Variants in CLTCL1 observed in about 807,000 individuals in gnomAD.
CLTCL1 encodes the protein clathrin heavy chain 2.
CLTCL1 carries 159 observed loss-of-function variants against 190.0 expected under a neutral mutation model. That is an observed-to-expected ratio of 0.84 (90% CI 0.74 to 0.95). CLTCL1 has a LOEUF of 0.95. Ranked by LOEUF, CLTCL1 falls within the 40% of genes least tolerant of loss-of-function variation. The pLI, the probability that CLTCL1 is intolerant of heterozygous loss-of-function variation, is 0.00. For missense variants in CLTCL1, 1,878 were observed against 2,033.4 expected (o/e 0.92, Z 1.47); for synonymous variants, 752 against 769.6 (o/e 0.98, Z 0.38).
intron 31 of CLTCL1, 98 bp from the exon 32 acceptor site, chr22:19,180,336 C>T: frequency 1.5e-6 from 2 of 1,305,272 alleles, no homozygotes; most frequent in South Asian, 1.2e-5. Context: ...ACCCTCAGGC[C>T]TGTGTTTGCC....
At chr22:19,255,663 A>C (rs2086721613) in intron 2 of CLTCL1, among the ~76,000 whole-genome samples, 1 of 151,598 alleles carries the variant, frequency 6.6e-6, no homozygotes, top group South Asian at 2.1e-4. Context: ...TAATCCCAGC[A>C]CTTTGGGAAG....
At chr22:19,218,513 G>C (rs1390199839) in intron 18 of CLTCL1, among the ~76,000 whole-genome samples, 1 of 152,212 alleles carries the variant, frequency 6.6e-6, no homozygotes, top group African/African-American at 2.4e-5. Flanking sequence ...ATTCAGTAGA[G>C]ATAAAGGTCA....
intron 1 of CLTCL1, among the ~76,000 whole-genome samples, chr22:19,281,248 T>C (rs1334508027): frequency 2.0e-5 from 3 of 149,194 alleles, no homozygotes; most frequent in African/African-American, 5.0e-5. Flanking sequence ...TGAGCCGAGA[T>C]TGCACCACTG....
intron 3 of CLTCL1, among the ~76,000 whole-genome samples, chr22:19,251,894 A>G (rs997151350): frequency 1.3e-5 from 2 of 152,236 alleles, no homozygotes; most frequent in Non-Finnish European, 2.9e-5. Flanking sequence ...GTTTTTCAAC[A>G]TGAAGTAAGA....
intron 2 of CLTCL1, among the ~76,000 whole-genome samples, chr22:19,260,646 G>A (rs1197848456): frequency 6.6e-6 from 1 of 151,942 alleles, no homozygotes. Flanking sequence ...GGGCATGGTG[G>A]TGCATGCCTG....
intron 8 of CLTCL1, 43 bp from the exon 9 acceptor site, chr22:19,233,361 G>T (rs781940859): frequency 6.2e-7 from 1 of 1,610,510 alleles, no homozygotes; most frequent in African/African-American, 1.3e-5. Context: ...GAGGCAGGTA[G>T]GGAGCCTGGA....
chr22:19,241,349 G>A (rs1482281438), intron 4 of CLTCL1, among the ~76,000 whole-genome samples: 10 of 152,240 alleles, frequency 6.6e-5, no homozygotes, highest in African/African-American at 9.6e-5. Context: ...TAAAGGAGAG[G>A]TGTGCCTCAC....
intron 3 of CLTCL1, among the ~76,000 whole-genome samples, chr22:19,253,321 A>G (rs1285605642): frequency 6.6e-6 from 1 of 152,098 alleles, no homozygotes; most frequent in Non-Finnish European, 1.5e-5. Flanking sequence ...GCAATTACCA[A>G]GGACAGGCCA....
intron 29 of CLTCL1, chr22:19,184,122 C>G (rs1489350798): frequency 4.0e-6 from 1 of 252,484 alleles, no homozygotes; most frequent in Non-Finnish European, 7.9e-6. Context: ...CAAAATAACA[C>G]CTGCACCTGA....
chr22:19,208,059 C>T (rs782073585), intron 22 of CLTCL1, 95 bp downstream of exon 22: 2 of 1,490,380 alleles, frequency 1.3e-6, no homozygotes, highest in South Asian at 2.3e-5. Context: ...GAAACCAGTC[C>T]CTGGTGCCAA....
Position 19,221,577 on chromosome 22 carries a change from T to C in CLTCL1, c.2596A>G (p.Ile866Val). The C allele has an allele frequency of 6.3e-7, 1 of 1,598,614 alleles. No individual in the cohort carries two copies. Among genetic ancestry groups the C allele is most frequent in the Non-Finnish European group, 8.5e-7 (1 of 1,172,398 alleles). ...KLLLPWLESQ[I>V]QEGCEEPATH... ...GCAGGCTCCTCACAGCCTTCCTGAA[T>C]CTGGGACTCCAGCCAGGGAAGCAGC... is the stretch of plus-strand genomic sequence containing the variant. Residue 866 changes from isoleucine to valine, a missense_variant, in exon 17 of 33, where the codon ATT becomes GTT. By Grantham distance (29) the Ile-to-Val change is conservative (BLOSUM62 3). Transcript: ENST00000427926.
At chr22:19,222,537 A>T in intron 15 of CLTCL1, 147 bp downstream of exon 15, 2 of 896,334 alleles carry the variant, frequency 2.2e-6, no homozygotes, top group Non-Finnish European at 3.4e-6. Flanking sequence ...GTGGTCTTCT[A>T]CTCTGGCAGT....
intron 3 of CLTCL1, among the ~76,000 whole-genome samples, chr22:19,250,235 C>T (rs1305097651): frequency 2.0e-5 from 3 of 151,422 alleles, no homozygotes; most frequent in Non-Finnish European, 2.9e-5. Flanking sequence ...GCCTGGGTGA[C>T]AGAGTGAGAC....
intron 2 of CLTCL1, among the ~76,000 whole-genome samples, chr22:19,269,356 T>C (rs2518859): frequency 0.071 from 10,825 of 151,630 alleles, 470 homozygotes; most frequent in Middle Eastern, 0.17. Context: ...GCCAATATCA[T>C]GCCATTGCAC....
intron 2 of CLTCL1, among the ~76,000 whole-genome samples, chr22:19,256,010 T>C (rs1010081951): frequency 1.8e-4 from 28 of 152,084 alleles, no homozygotes; most frequent in African/African-American, 6.3e-4. Context: ...AAAATATTCC[T>C]GAAAGAAAGT....
chr22:19,183,248 A>C (rs2084200139), intron 30 of CLTCL1, 142 bp downstream of exon 30: 1 of 669,074 alleles, frequency 1.5e-6, no homozygotes, highest in African/African-American at 1.8e-5. Context: ...GAAAGCAGCC[A>C]CTCCTGAAGG....
In CLTCL1 at chr22:19,221,535, C is replaced by T. The variant is rs782168300; in HGVS notation, c.2638G>A (p.Ala880Thr). The T allele has an allele frequency of 6.2e-7, 1 of 1,605,844 alleles. No homozygotes were observed. Among genetic ancestry groups the T allele is most frequent in the Admixed American group, 1.7e-5 (1 of 58,782 alleles). The change falls in exon 17 of 33, where the codon GCT becomes ACT. Residue 880 changes from alanine to threonine, a missense_variant. Coordinates refer to ENST00000427926, the MANE Select transcript of CLTCL1 (RefSeq NM_007098.4). ...TTGTTGCTGTCGATGTAGATTTTAG[C>T]CAGTGCATTGTGAGTGGCAGGCTCC... ...CEEPATHNAL[A>T]KIYIDSNNSP...
At chr22:19,233,975 C>T (rs1226793006) in intron 7 of CLTCL1, among the ~76,000 whole-genome samples, 1 of 152,212 alleles carries the variant, frequency 6.6e-6, no homozygotes, top group African/African-American at 2.4e-5. Context: ...TTGTTCACAA[C>T]TACCCCTTGA....
intron 2 of CLTCL1, chr22:19,258,036 T>C (rs1167033211): frequency 2.1e-6 from 1 of 487,266 alleles, no homozygotes; most frequent in East Asian, 5.4e-5. Context: ...GAGACAGAGC[T>C]GGCCATGCAC....
Sources: allele counts gnomAD v4.1 joint callset (sites outside exome capture counted in the v4.1 genomes callset), GRCh38; gene constraint gnomAD v4.1.1; transcripts MANE v1.5; gene names NCBI Gene and HGNC (gene_info 2026-07-23, HGNC 2026-07-21).